Variants in ZNF257 observed in about 807,000 individuals in gnomAD.
ZNF257 encodes zinc finger protein 257, also known as bone marrow zinc finger 4.
A neutral mutation model predicts 11.9 loss-of-function variants in ZNF257; 12 were observed. That is an observed-to-expected ratio of 1.01 (90% confidence interval 0.65 to 1.63). ZNF257 has a LOEUF of 1.63. ZNF257 is among the 40% of genes most tolerant of loss of function. The probability of loss-of-function intolerance (pLI) is 0.00; values close to 1 mark genes in which losing one functional copy is unlikely to be tolerated. For missense variants in ZNF257, 580 were observed against 665.5 expected (o/e 0.87, Z 1.41); for synonymous variants, 183 against 222.7 (o/e 0.82, Z 1.59).
intron 1 of ZNF257, among the ~76,000 whole-genome samples, chr19:22,063,611 G>C (rs1377173919): frequency 2.6e-5 from 4 of 152,018 alleles, no homozygotes; most frequent in Non-Finnish European, 5.9e-5. Flanking sequence ...TTCATTATTT[G>C]CCCAAAAGTC....
chr19:22,060,086 CTT>C (rs1599659891), intron 1 of ZNF257, among the ~76,000 whole-genome samples: 2 of 152,150 alleles, frequency 1.3e-5, no homozygotes, highest in African/African-American at 4.8e-5. Flanking sequence ...GATTCCATGT[CTT>C]TGCCATTGTG....
At chr19:22,058,023 A>G (rs2021689596) in intron 1 of ZNF257, among the ~76,000 whole-genome samples, 1 of 152,144 alleles carries the variant, frequency 6.6e-6, no homozygotes, top group African/African-American at 2.4e-5. Flanking sequence ...CGGCCTCCCA[A>G]AGTGCTGGGA....
At chr19:22,068,204 A>G (rs1461274841) in intron 1 of ZNF257, among the ~76,000 whole-genome samples, 1 of 133,660 alleles carries the variant, frequency 7.5e-6, no homozygotes, top group African/African-American at 2.9e-5. Context: ...GTAACTGCTG[A>G]TTATCAAAGT....
At chr19:22,063,419 G>C (rs568726853) in intron 1 of ZNF257, among the ~76,000 whole-genome samples, 1 of 152,014 alleles carries the variant, frequency 6.6e-6, no homozygotes, top group Admixed American at 6.6e-5. Flanking sequence ...GTTTGCTCTT[G>C]CTTCTCATAC....
chr19:22,090,995 T>C lies in ZNF257; in HGVS notation c.*1553T>C, dbSNP rs4932956. Reference sequence around the variant, plus strand: ...ATGTATGAAGTAGTTGCTCATGTTATGAGAGAAAAACATTTTTAATTTTAG... The same window carrying C: ...ATGTATGAAGTAGTTGCTCATGTTACGAGAGAAAAACATTTTTAATTTTAG... On this transcript the variant is annotated 3_prime_UTR_variant, in exon 4 of 4. Transcript: ENST00000594947. 1 of 152,006 alleles carries C rather than the reference T, an allele frequency of 6.6e-6. No homozygotes were observed. Among genetic ancestry groups the C allele is most frequent in the Admixed American group, 6.6e-5 (1 of 15,252 alleles). 9.4% of individuals were successfully genotyped at this position (152,006 alleles called of 1,614,324 possible).
At chr19:22,074,208 A>T (rs2022174490) in intron 3 of ZNF257, among the ~76,000 whole-genome samples, 1 of 151,904 alleles carries the variant, frequency 6.6e-6, no homozygotes. Flanking sequence ...ATATTTATTG[A>T]ATCTATATTC....
chr19:22,072,578 A>G (rs1242243021), intron 1 of ZNF257, among the ~76,000 whole-genome samples: 1 of 152,134 alleles, frequency 6.6e-6, no homozygotes, highest in Non-Finnish European at 1.5e-5. Context: ...AGACATTAAA[A>G]ATTCTGCCCT....
intron 3 of ZNF257, among the ~76,000 whole-genome samples, chr19:22,085,595 C>G (rs1175220601): frequency 6.6e-6 from 1 of 151,812 alleles, no homozygotes; most frequent in Non-Finnish European, 1.5e-5. Context: ...ATTGAAATAT[C>G]CTACTATAAT....
chr19:22,058,700 T>C (rs1163804805), intron 1 of ZNF257, among the ~76,000 whole-genome samples: 1 of 152,142 alleles, frequency 6.6e-6, no homozygotes, highest in Non-Finnish European at 1.5e-5. Context: ...TGTTTTGTGA[T>C]TCTAGGTCTC....
At chr19:22,076,437 CTTAT>C (rs890807054) in intron 3 of ZNF257, among the ~76,000 whole-genome samples, 8 of 151,754 alleles carry the variant, frequency 5.3e-5, no homozygotes, top group Non-Finnish European at 7.4e-5. Context: ...ATTTTAAATG[CTTAT>C]TTATTGTTTC....
In ZNF257 at chr19:22,089,244, G is replaced by A. The variant is rs1272208937; in HGVS notation, c.1494G>A (p.Arg498=). ...AAGAATGTGGCAAAGCCTTTAACCGGTCTTCACACCTTTCTCAACATAAGA... is the reference window on the plus strand; with the variant it reads ...AAGAATGTGGCAAAGCCTTTAACCGATCTTCACACCTTTCTCAACATAAGA... The part of the protein sequence containing the change: ...KCEECGKAFN[R]SSHLSQHKII... The change falls in exon 4 of 4, where the codon CGG becomes CGA. Residue 498 remains arginine, a synonymous_variant. Coordinates refer to ENST00000594947, the MANE Select transcript of ZNF257 (RefSeq NM_033468.4). 1 of 1,612,600 alleles carries A rather than the reference G, an allele frequency of 6.2e-7. No homozygotes were observed. The highest frequency in any genetic ancestry group is 8.5e-7 in the Non-Finnish European group (1 of 1,179,576).
At chr19:22,055,846 A>G (rs924220117) in intron 1 of ZNF257, among the ~76,000 whole-genome samples, 3 of 151,984 alleles carry the variant, frequency 2.0e-5, no homozygotes, top group African/African-American at 4.8e-5. Context: ...CGGGAGGATC[A>G]TTAGGTCAGG....
At position 22,088,254 on chromosome 19, in the gene ZNF257, T is replaced by C; in HGVS notation, c.504T>C (p.Thr168=). 1 of 1,613,250 alleles carries C rather than the reference T, an allele frequency of 6.2e-7. No individual in the cohort carries two copies. The highest frequency in any genetic ancestry group is 1.1e-5 in the South Asian group (1 of 91,006). ...SNSDRHKIRH[T]EKKTCKCKEC... ...CAGATAGACATAAGATAAGACATAC[T>C]GAAAAGAAAACTTGCAAATGTAAAG... Residue 168 remains threonine (T), a synonymous_variant, in exon 4 of 4, where the codon ACT becomes ACC. Transcript: ENST00000594947.
At chr19:22,061,187 G>T (rs1012115997) in intron 1 of ZNF257, among the ~76,000 whole-genome samples, 1 of 152,034 alleles carries the variant, frequency 6.6e-6, no homozygotes, top group South Asian at 2.1e-4. Context: ...GATAGGAATA[G>T]TATTAGATCT....
At chr19:22,070,010 G>T (rs2022062075) in intron 1 of ZNF257, among the ~76,000 whole-genome samples, 1 of 152,070 alleles carries the variant, frequency 6.6e-6, no homozygotes, top group African/African-American at 2.4e-5. Context: ...CTGGAGTCTT[G>T]CCTCAGATAA....
rs1287244599 is a variant in ZNF257 at position 22,089,027 on chromosome 19, C to A, written c.1277C>A (p.Thr426Asn). Reference sequence around the variant, plus strand: ...CTTACTCAGCATAAGATAATTCATACTGGAGAGAAACCCTACAAATGTGAA... The same window carrying A: ...CTTACTCAGCATAAGATAATTCATAATGGAGAGAAACCCTACAAATGTGAA... ...TTLTQHKIIH[T>N]GEKPYKCEEC... The change falls in exon 4 of 4, where the codon ACT (threonine) becomes AAT (asparagine). Residue 426 changes from threonine to asparagine, a missense_variant. Coordinates refer to ENST00000594947, the MANE Select transcript of ZNF257 (RefSeq NM_033468.4). The A allele has an allele frequency of 6.8e-6, 11 of 1,613,542 alleles. No homozygotes were observed. The highest frequency in any genetic ancestry group is 9.3e-6 in the Non-Finnish European group (11 of 1,179,862).
chr19:22,070,604 C>T (rs764586087), intron 1 of ZNF257, among the ~76,000 whole-genome samples: 6 of 152,064 alleles, frequency 3.9e-5, no homozygotes, highest in Non-Finnish European at 8.8e-5. Context: ...CCTCTGTATA[C>T]TCTACAGAGC....
At chr19:22,061,515 G>T (rs2021793836) in intron 1 of ZNF257, among the ~76,000 whole-genome samples, 1 of 151,910 alleles carries the variant, frequency 6.6e-6, no homozygotes, top group African/African-American at 2.4e-5. Flanking sequence ...GCAGTTGTTT[G>T]TCAGTTTAAA....
chr19:22,089,811 A>C lies in ZNF257; in HGVS notation c.*369A>C. ...GTGTGAAGAATGTCACAAAGCCCTT[A>C]ATAAGTCCTCAATTCTTAACAGATA... is the stretch of plus-strand genomic sequence containing the variant. On this transcript the variant is annotated 3_prime_UTR_variant, in exon 4 of 4. Transcript: ENST00000594947. 1 of 276,780 alleles carries C rather than the reference A, an allele frequency of 3.6e-6. No individual in the cohort carries two copies. Among genetic ancestry groups the C allele is most frequent in the Non-Finnish European group, 7.0e-6 (1 of 142,530 alleles). 17.1% of individuals were successfully genotyped at this position (276,780 alleles called of 1,614,324 possible).
Sources: gnomAD v4.1 joint callset for allele counts (sites outside exome capture counted in the v4.1 genomes callset) on GRCh38, gnomAD v4.1.1 for gene constraint, MANE v1.5 for transcripts, NCBI Gene and HGNC (gene_info 2026-07-23, HGNC 2026-07-21) for gene names.